UGT2B7: variants seen among roughly 807,000 people sequenced by gnomAD.
UGT2B7 encodes UDP glucuronosyltransferase family 2 member B7.
Under a neutral mutation model 51.9 loss-of-function variants are expected in UGT2B7, and 51 were observed. That is an observed-to-expected ratio of 0.98 (90% CI 0.78 to 1.24). The LOEUF (loss-of-function observed/expected upper bound fraction) is 1.24, where lower values mean the gene tolerates loss of function less well. Ranked by LOEUF, UGT2B7 falls within the 50% of genes most tolerant of loss-of-function variation. UGT2B7 has a pLI of 0.00. For synonymous variants in UGT2B7, 225 were observed against 211.6 expected (o/e 1.06, Z -0.55); for missense variants, 727 against 628.4 (o/e 1.16, Z -1.68).
intron 1 of UGT2B7, among the ~76,000 whole-genome samples, chr4:69,080,845 T>G (rs1349355382): frequency 6.6e-6 from 1 of 152,176 alleles, no homozygotes; most frequent in African/African-American, 2.4e-5. Context: ...AATATAAACG[T>G]GAGCTACTTG....
At chr4:69,096,049 G>A (rs1379213755), upstream of UGT2B7, among the ~76,000 whole-genome samples, 1 of 152,072 alleles carries the variant, frequency 6.6e-6, no homozygotes, top group Non-Finnish European at 1.5e-5. Context: ...ACAATTCTGT[G>A]AATATACTAT....
At chr4:69,077,307 C>G (rs1718729942) in intron 1 of UGT2B7, among the ~76,000 whole-genome samples, 1 of 149,082 alleles carries the variant, frequency 6.7e-6, no homozygotes, top group African/African-American at 2.5e-5. Context: ...TTTTTTTTTT[C>G]CAATTTTGGG....
chr4:69,096,427 A>T (rs1719223015), upstream of UGT2B7: 1 of 1,581,958 alleles, frequency 6.3e-7, no homozygotes, highest in Non-Finnish European at 8.6e-7. Flanking sequence ...TAAGGGTTAC[A>T]TTTTAACTTC....
chr4:69,070,436 A>AG (rs1481315186), intron 1 of UGT2B7, among the ~76,000 whole-genome samples: 1 of 113,954 alleles, frequency 8.8e-6, no homozygotes, highest in African/African-American at 4.4e-5. Flanking sequence ...TGTCCCTGTC[A>AG]GAAAAAAAAA....
chr4:69,105,068 A>C (rs1287568003), intron 3 of UGT2B7, among the ~76,000 whole-genome samples: 2 of 152,188 alleles, frequency 1.3e-5, no homozygotes, highest in African/African-American at 4.8e-5. Flanking sequence ...TGTCTGAAGC[A>C]GGAAGATGAA....
At chr4:69,063,775 G>T (rs960275022) in intron 1 of UGT2B7, among the ~76,000 whole-genome samples, 1 of 151,906 alleles carries the variant, frequency 6.6e-6, no homozygotes, top group African/African-American at 2.4e-5. Context: ...AAACAGTAGG[G>T]GTAGTGTTGG....
At position 69,112,748 on chromosome 4, in the gene UGT2B7, AT is replaced by A. The variant is rs1387078646; in HGVS notation, c.*15del. 2 of 1,612,624 alleles carry A rather than the reference AT, an allele frequency of 1.2e-6. No homozygotes were observed. The highest frequency in any genetic ancestry group is 8.5e-7 in the Non-Finnish European group (1 of 1,179,504). On this transcript the variant is annotated 3_prime_UTR_variant, in exon 6 of 6. Coordinates refer to ENST00000305231, the MANE Select transcript of UGT2B7 (RefSeq NM_001074.4). ...GAAAAAATGATTAGTTATATCTGAGATTTGAAGCTGGAAAACCTGATAGGTG... is the reference window on the plus strand; with the variant it reads ...GAAAAAATGATTAGTTATATCTGAGATTGAAGCTGGAAAACCTGATAGGTG...
rs764088628 is a variant in UGT2B7, at chr4:69,112,459, A to T, written c.1313A>T (p.Tyr438Phe). 3.7e-6 allele frequency: 6 copies of T among 1,613,034 alleles called. No individual in the cohort carries two copies. The East Asian group carries it at 1.1e-4, about 30-fold the overall frequency. ...CTGTCTTTATTTTTATCTTTCAGAT[A>T]TAAAGAGAATGTTATGAAATTATCA... ...ALKRVINDPSYKENVMKLSRI... is the reference protein window; with the variant it reads ...ALKRVINDPSFKENVMKLSRI... The change falls in exon 6 of 6, where the codon TAT becomes TTT. Residue 438 changes from tyrosine to phenylalanine, a missense_variant and splice_region_variant. Transcript: ENST00000305231.
chr4:69,096,362 T>C (rs979755129), upstream of UGT2B7: 3 of 1,164,936 alleles, frequency 2.6e-6, no homozygotes, highest in Non-Finnish European at 1.2e-6. Flanking sequence ...TTTGTCTCTT[T>C]GCCATCCACA....
At chr4:69,092,177 T>C (rs1368026690), upstream of UGT2B7, among the ~76,000 whole-genome samples, 5 of 152,160 alleles carry the variant, frequency 3.3e-5, no homozygotes, top group Non-Finnish European at 7.3e-5. Flanking sequence ...TGGCCTTAAA[T>C]GATCCTCTCA....
At chr4:69,067,289 C>T (rs966862615) in intron 1 of UGT2B7, 4 of 152,196 alleles carry the variant, frequency 2.6e-5, no homozygotes, top group African/African-American at 9.7e-5. Flanking sequence ...TTTACTGTTG[C>T]AATAATTTGT....
At chr4:69,091,398 G>GTT (rs112636942) in intron 2 of UGT2B7, among the ~76,000 whole-genome samples, 54 of 146,408 alleles carry the variant, frequency 3.7e-4, no homozygotes, top group Middle Eastern at 3.5e-3. Context: ...TAAAGATTTT[G>GTT]TTTTTTTTTT....
upstream of UGT2B7, among the ~76,000 whole-genome samples, chr4:69,096,013 C>T (rs796288218): frequency 6.6e-6 from 1 of 152,132 alleles, no homozygotes; most frequent in African/African-American, 2.4e-5. Context: ...TAAAAGGGCT[C>T]TCCAACTGAT....
At chr4:69,099,348 G>A (rs1453411646) in intron 2 of UGT2B7, among the ~76,000 whole-genome samples, 4 of 151,566 alleles carry the variant, frequency 2.6e-5, no homozygotes, top group Non-Finnish European at 5.9e-5. Context: ...ACTAAGACTC[G>A]GATGATGGTG....
At chr4:69,053,269 G>A (rs9715099) in intron 1 of UGT2B7, among the ~76,000 whole-genome samples, 70,335 of 151,948 alleles carry the variant, frequency 0.46, 17,772 homozygotes, top group African/African-American at 0.66. Context: ...TATTAAATAT[G>A]AAATGGTGTT....
At chr4:69,104,764 C>T (rs1719543380) in intron 3 of UGT2B7, among the ~76,000 whole-genome samples, 1 of 152,130 alleles carries the variant, frequency 6.6e-6, no homozygotes, top group South Asian at 2.1e-4. Flanking sequence ...GGGCACTGTA[C>T]ACACTACAGG....
At chr4:69,096,019 C>T (rs148028615), upstream of UGT2B7, among the ~76,000 whole-genome samples, 21 of 152,202 alleles carry the variant, frequency 1.4e-4, no homozygotes, top group African/African-American at 4.8e-4. Context: ...GGCTCTCCAA[C>T]TGATTGTTAT....
At chr4:69,066,383 C>G (rs1356361810) in intron 1 of UGT2B7, 1 of 152,042 alleles carries the variant, frequency 6.6e-6, no homozygotes, top group African/African-American at 2.4e-5. Context: ...ATTAGGCTCC[C>G]TTGTCTATAT....
At chr4:69,081,435 C>T (rs916961341) in intron 1 of UGT2B7, among the ~76,000 whole-genome samples, 1 of 151,872 alleles carries the variant, frequency 6.6e-6, no homozygotes, top group Non-Finnish European at 1.5e-5. Flanking sequence ...GCTAAAGAAA[C>T]AAAACAAAAA....
Sources: allele counts gnomAD v4.1 joint callset (sites outside exome capture counted in the v4.1 genomes callset), GRCh38; gene constraint gnomAD v4.1.1; transcripts MANE v1.5; gene names NCBI Gene and HGNC (gene_info 2026-07-23, HGNC 2026-07-21).